Variants in FRMD5 observed in about 807,000 individuals in gnomAD.
FRMD5 encodes FERM domain containing 5.
In FRMD5, 20 loss-of-function variants were observed where a neutral mutation model predicts 69.0. The observed-to-expected ratio is 0.29, with a 90% CI of 0.20 to 0.42. The LOEUF is 0.42. Ranked by LOEUF, FRMD5 falls within the 10% of genes least tolerant of loss-of-function variation. The probability of loss-of-function intolerance (pLI) is 1.00; values close to 1 mark genes in which losing one functional copy is unlikely to be tolerated. For missense variants in FRMD5, 595 were observed against 708.6 expected (o/e 0.84, Z 1.82); for synonymous variants, 271 against 260.1 (o/e 1.04, Z -0.40).
chr15:44,117,344 C>G (rs1399258458), intron 1 of FRMD5, among the ~76,000 whole-genome samples: 1 of 152,032 alleles, frequency 6.6e-6, no homozygotes, highest in Non-Finnish European at 1.5e-5. Context: ...CTGAACTCAC[C>G]TTTGTAGAGA....
intron 1 of FRMD5, among the ~76,000 whole-genome samples, chr15:44,042,712 T>C (rs1892255270): frequency 6.6e-6 from 1 of 152,322 alleles, no homozygotes; most frequent in African/African-American, 2.4e-5. Context: ...GAAAAGGCCT[T>C]TGACGAAATT....
intron 1 of FRMD5, among the ~76,000 whole-genome samples, chr15:44,134,229 C>A (rs1008725342): frequency 6.6e-6 from 1 of 151,966 alleles, no homozygotes; most frequent in African/African-American, 2.4e-5. Flanking sequence ...CCTGCCTCAG[C>A]CTCCTGAACA....
intron 2 of FRMD5, among the ~76,000 whole-genome samples, chr15:43,923,810 A>G (rs2089537747): frequency 6.6e-6 from 1 of 152,208 alleles, no homozygotes; most frequent in African/African-American, 2.4e-5. Flanking sequence ...TGTACTGCCT[A>G]GATTGGGTTG....
At chr15:43,888,100 A>G in intron 10 of FRMD5, 75 bp downstream of exon 10, 1 of 1,164,410 alleles carries the variant, frequency 8.6e-7, no homozygotes, top group Non-Finnish European at 1.3e-6. Context: ...GTTCCTGGGC[A>G]CTTGGCCTCC....
At chr15:44,000,947 G>A (rs1457669595) in intron 1 of FRMD5, among the ~76,000 whole-genome samples, 2 of 152,122 alleles carry the variant, frequency 1.3e-5, no homozygotes, top group South Asian at 2.1e-4. Flanking sequence ...CCCAGTAGCT[G>A]GAACTATAGG....
intron 1 of FRMD5, among the ~76,000 whole-genome samples, chr15:44,070,877 T>C (rs1412862847): frequency 6.6e-6 from 1 of 152,208 alleles, no homozygotes; most frequent in Non-Finnish European, 1.5e-5. Flanking sequence ...TTGTCCCAAA[T>C]CATCTCTGTA....
intron 1 of FRMD5, among the ~76,000 whole-genome samples, chr15:44,083,357 G>A (rs1282734174): frequency 6.6e-6 from 1 of 151,970 alleles, no homozygotes; most frequent in African/African-American, 2.4e-5. Context: ...CAAGGATCAA[G>A]ATTAGATTTC....
intron 1 of FRMD5, among the ~76,000 whole-genome samples, chr15:43,983,912 A>G (rs1307089538): frequency 6.6e-6 from 1 of 152,210 alleles, no homozygotes; most frequent in Non-Finnish European, 1.5e-5. Flanking sequence ...TTTATAAAGA[A>G]GTCCCTTGAT....
intron 1 of FRMD5, among the ~76,000 whole-genome samples, chr15:44,057,174 G>A (rs1159517435): frequency 1.3e-5 from 2 of 151,668 alleles, no homozygotes; most frequent in African/African-American, 2.4e-5. Context: ...GCCCAGGCTG[G>A]AGTGCAGTGA....
At chr15:44,169,276 C>A (rs140399321) in intron 1 of FRMD5, among the ~76,000 whole-genome samples, 1 of 151,974 alleles carries the variant, frequency 6.6e-6, no homozygotes, top group African/African-American at 2.4e-5. Flanking sequence ...CTATCTTCCA[C>A]AAGGAAAATG....
chr15:43,921,303 T>C (rs1362309322), intron 2 of FRMD5, among the ~76,000 whole-genome samples: 1 of 152,074 alleles, frequency 6.6e-6, no homozygotes, highest in Non-Finnish European at 1.5e-5. Context: ...CCCCCAGACA[T>C]TAGACTGATA....
chr15:43,908,408 A>C (rs1257104685), intron 5 of FRMD5, among the ~76,000 whole-genome samples: 1 of 152,118 alleles, frequency 6.6e-6, no homozygotes, highest in Non-Finnish European at 1.5e-5. Context: ...GATTTTAAAA[A>C]CAGGAGTCTC....
At chr15:43,900,901 G>C (rs1195732518) in intron 7 of FRMD5, among the ~76,000 whole-genome samples, 3 of 152,124 alleles carry the variant, frequency 2.0e-5, no homozygotes, top group African/African-American at 4.8e-5. Context: ...ACAGGTGTGA[G>C]CCACTGCGCC....
chr15:43,871,357 A>T lies in FRMD5; in HGVS notation c.*2528T>A, dbSNP rs1446565658. The T allele has an allele frequency of 6.6e-6, 1 of 152,252 alleles. No individual in the cohort carries two copies. The highest frequency in any genetic ancestry group is 2.4e-5 in the African/African-American group (1 of 41,464). 9.4% of individuals were successfully genotyped at this position (152,252 alleles called of 1,614,324 possible). On this transcript the variant is annotated 3_prime_UTR_variant, in exon 14 of 14. Coordinates refer to ENST00000417257, the MANE Select transcript of FRMD5 (RefSeq NM_032892.5). ...CTCTAGACACAAGGAACATACTAGG[A>T]TATGGAATACTGCATCTGTCTCTAA...
chr15:44,196,721 A>T (rs1226486896), upstream of FRMD5, among the ~76,000 whole-genome samples: 1 of 94,124 alleles, frequency 1.1e-5, no homozygotes, highest in African/African-American at 4.6e-5. Context: ...GGGGAGATTC[A>T]TTCTCTTTCA....
At position 43,873,661 on chromosome 15, in the gene FRMD5, A is replaced by AAAT. The variant is rs2140326323; in HGVS notation, c.*221_*223dup. 2 of 1,486,250 alleles carry AAAT rather than the reference A, an allele frequency of 1.3e-6. No homozygotes were observed. Among genetic ancestry groups the AAAT allele is most frequent in the Non-Finnish European group, 1.8e-6 (2 of 1,126,646 alleles). The allele number at this position is 1,486,250 out of a possible 1,614,324, so 92.1% of individuals were successfully genotyped here. A position where few individuals can be genotyped will look rare whatever the true frequency, so the allele number is the denominator to read the frequency against. ...AAACAGAGTCGCTGAGCCTTTCTTG[A>AAAT]AATAACTTCTGAAGAAAATGAGTTT... On this transcript the variant is annotated 3_prime_UTR_variant, in exon 14 of 14. Coordinates refer to ENST00000417257, the MANE Select transcript of FRMD5 (RefSeq NM_032892.5).
intron 1 of FRMD5, among the ~76,000 whole-genome samples, chr15:43,931,654 GT>G (rs1194467798): frequency 6.6e-6 from 1 of 152,000 alleles, no homozygotes; most frequent in Non-Finnish European, 1.5e-5. Context: ...GTTTTAGGGA[GT>G]ATCCTGGATG....
Position 43,978,102 on chromosome 15 carries a change from G to A in FRMD5, c.103-53793C>T, listed in dbSNP as rs562728317. On this transcript the variant is annotated intron_variant, in intron 1 of 13. Coordinates refer to ENST00000417257, the MANE Select transcript of FRMD5 (RefSeq NM_032892.5). Reference sequence around the variant, plus strand: ...CTCAGCCAGATTCCTGACCGGGACCGCTTGCAGGCTTATTCTTGTAAATAA... The same window carrying A: ...CTCAGCCAGATTCCTGACCGGGACCACTTGCAGGCTTATTCTTGTAAATAA... 3.5e-4 allele frequency among the ~76,000 whole-genome samples: 54 copies of A among 152,194 alleles called. 1 individual carries two copies. Among genetic ancestry groups the A allele is most frequent in the East Asian group, 1.3e-3 (7 of 5,188 alleles).
intron 1 of FRMD5, among the ~76,000 whole-genome samples, chr15:44,065,721 A>G (rs1046431730): frequency 2.0e-5 from 3 of 152,228 alleles, no homozygotes; most frequent in East Asian, 1.9e-4. Context: ...ACAGTAGTCA[A>G]TAAGCATATA....
Sources: allele counts gnomAD v4.1 joint callset (sites outside exome capture counted in the v4.1 genomes callset), GRCh38; gene constraint gnomAD v4.1.1; transcripts MANE v1.5; gene names NCBI Gene and HGNC (gene_info 2026-07-23, HGNC 2026-07-21).